ST3GAL6: variants seen among roughly 807,000 people sequenced by gnomAD.
The protein encoded by ST3GAL6 is ST3 beta-galactoside alpha-2,3-sialyltransferase 6.
Under a neutral mutation model 40.5 loss-of-function variants are expected in ST3GAL6, and 31 were observed. That is an observed-to-expected ratio of 0.77 (90% CI 0.58 to 1.03). The LOEUF (loss-of-function observed/expected upper bound fraction) is 1.03, where lower values mean the gene tolerates loss of function less well. ST3GAL6 is among the 50% of genes least tolerant of loss of function. The probability of loss-of-function intolerance (pLI) is 0.00; values close to 1 mark genes in which losing one functional copy is unlikely to be tolerated. For synonymous variants in ST3GAL6, 129 were observed against 136.9 expected (o/e 0.94, Z 0.40); for missense variants, 357 against 393.2 (o/e 0.91, Z 0.78).
rs371716187 is a variant in ST3GAL6, at chr3:98,781,005, A to G, written c.336-3940A>G. Reference sequence around the variant, plus strand: ...TTATACTATATAGACATTATACTATATAGACTTTATACTACATGCACATGT... The same window carrying G: ...TTATACTATATAGACATTATACTATGTAGACTTTATACTACATGCACATGT... On this transcript the variant is annotated intron_variant, in intron 5 of 9. Transcript: ENST00000483910. Among the ~76,000 whole-genome samples, 68 of 152,350 alleles carry G rather than the reference A, an allele frequency of 4.5e-4. 2 individuals are homozygous for G. The South Asian group carries it at 0.013, about 30-fold the overall frequency.
At chr3:98,788,015 T>G (rs1255437968) in intron 6 of ST3GAL6, 21 bp from the exon 7 acceptor site, 4 of 1,603,252 alleles carry the variant, frequency 2.5e-6, no homozygotes, top group Non-Finnish European at 3.4e-6. Flanking sequence ...CTACATATCT[T>G]GTATGTTTTA....
In ST3GAL6 at chr3:98,785,866, T is replaced by C. The variant is rs143211505; in HGVS notation, c.431+826T>C. 1.5e-4 allele frequency among the ~76,000 whole-genome samples: 23 copies of C among 152,246 alleles called. No homozygotes were observed. In the East Asian group the frequency reaches 4.5e-3, roughly 29 times the overall value. Reference sequence around the variant, plus strand: ...ATGGTGGCTTGGGACAGGATTGTTGTAGGAGAGGAAGAGATATGTGGACTG... The same window carrying C: ...ATGGTGGCTTGGGACAGGATTGTTGCAGGAGAGGAAGAGATATGTGGACTG... On this transcript the variant is annotated intron_variant, in intron 6 of 9. Transcript: ENST00000483910.
At chr3:98,784,284 T>G (rs1940470749) in intron 5 of ST3GAL6, 1 of 152,230 alleles carries the variant, frequency 6.6e-6, no homozygotes, top group South Asian at 2.1e-4. Flanking sequence ...CCCCTTTGTG[T>G]TCTACTTTAA....
intron 1 of ST3GAL6, among the ~76,000 whole-genome samples, chr3:98,742,947 G>A (rs1003659584): frequency 2.0e-5 from 3 of 148,934 alleles, no homozygotes; most frequent in East Asian, 3.9e-4. Flanking sequence ...TGATCTGCCC[G>A]ACTCAGCCTC....
At chr3:98,739,133 C>T (rs561944870) in intron 1 of ST3GAL6, among the ~76,000 whole-genome samples, 55 of 152,244 alleles carry the variant, frequency 3.6e-4, no homozygotes, top group African/African-American at 1.3e-3. Context: ...AGGCAGAAAT[C>T]AGTTCTCTGA....
chr3:98,784,193 C>T (rs1022333902), intron 5 of ST3GAL6, among the ~76,000 whole-genome samples: 2 of 152,222 alleles, frequency 1.3e-5, no homozygotes, highest in Admixed American at 6.5e-5. Flanking sequence ...CGGGCAAGGA[C>T]ACAGTCTATT....
intron 1 of ST3GAL6, among the ~76,000 whole-genome samples, chr3:98,764,609 G>T (rs1056114260): frequency 6.6e-6 from 1 of 152,184 alleles, no homozygotes; most frequent in African/African-American, 2.4e-5. Context: ...CATCTAGGGG[G>T]AGGTAGTATA....
At chr3:98,767,531 C>T (rs1167775214) in intron 1 of ST3GAL6, among the ~76,000 whole-genome samples, 1 of 152,130 alleles carries the variant, frequency 6.6e-6, no homozygotes, top group Non-Finnish European at 1.5e-5. Flanking sequence ...GAACTAGAAA[C>T]TTGATAAGGG....
At chr3:98,776,698 C>T (rs1041047636) in intron 5 of ST3GAL6, among the ~76,000 whole-genome samples, 3 of 152,218 alleles carry the variant, frequency 2.0e-5, no homozygotes, top group Admixed American at 6.5e-5. Flanking sequence ...AGGTGCTCGA[C>T]GTAGTTTGAG....
In ST3GAL6 at chr3:98,770,549, G is replaced by A. The variant is rs148622573; in HGVS notation, c.90-330G>A. ...GAGTTTCGGTTTCTCCAGCTTTCAG[G>A]GACTTCTAAAAAGTGAGCCTGGTTG... is the stretch of plus-strand genomic sequence containing the variant. On this transcript the variant is annotated intron_variant, in intron 2 of 9. Transcript: ENST00000483910. 1.5e-5 allele frequency: 3 copies of A among 206,752 alleles called. No individual in the cohort carries two copies. The East Asian group carries it at 3.9e-4, about 27-fold the overall frequency. 12.8% of individuals were successfully genotyped at this position (206,752 alleles called of 1,614,324 possible).
intron 2 of ST3GAL6, 111 bp from the exon 3 acceptor site, chr3:98,770,768 G>GCTGC: frequency 2.3e-6 from 2 of 872,816 alleles, no homozygotes; most frequent in South Asian, 2.9e-5. Context: ...ATTTTTGTTT[G>GCTGC]CTGCCACAGA....
chr3:98,786,992 T>G (rs1576127760), intron 6 of ST3GAL6, among the ~76,000 whole-genome samples: 1 of 107,290 alleles, frequency 9.3e-6, no homozygotes, highest in Admixed American at 8.5e-5. Flanking sequence ...GTGTTAGGAG[T>G]AGCTATGAAT....
chr3:98,782,665 T>A, intron 5 of ST3GAL6: 1 of 447,250 alleles, frequency 2.2e-6, no homozygotes, highest in Non-Finnish European at 4.3e-6. Context: ...TCAACAATAC[T>A]TTGAGATACC....
chr3:98,782,157 A>G (rs2107288786), intron 5 of ST3GAL6: 1 of 680,328 alleles, frequency 1.5e-6, no homozygotes, highest in Non-Finnish European at 2.7e-6. Context: ...AGGGATTGAA[A>G]TCAAACTTGC....
Position 98,770,969 on chromosome 3 carries a change from C to T in ST3GAL6, c.167+13C>T, listed in dbSNP as rs1938921057. On this transcript the variant is annotated intron_variant, in intron 3 of 9. Coordinates refer to ENST00000483910, the MANE Select transcript of ST3GAL6 (RefSeq NM_001323368.2). ...CCTCTCTGCTGAGGTAAAAATATAC[C>T]AGAAAAACCTGTGGCATACAAAATA... The T allele has an allele frequency of 6.2e-7, 1 of 1,611,900 alleles. No individual in the cohort carries two copies. The highest frequency in any genetic ancestry group is 8.5e-7 in the Non-Finnish European group (1 of 1,178,444).
rs771358614 is a variant in ST3GAL6 at position 98,794,641 on chromosome 3, TAACA to T, written c.*885_*888del. On this transcript the variant is annotated 3_prime_UTR_variant, in exon 10 of 10. Transcript: ENST00000483910. ...GCAGGGTGGCTCACACCTGTAATCC[TAACA>T]AACACTTTGGGAGGCCGAGGGAGGC... 2.6e-5 allele frequency: 4 copies of T among 152,166 alleles called. No homozygotes were observed. The highest frequency in any genetic ancestry group is 1.3e-4 in the Admixed American group (2 of 15,274). The allele number at this position is 152,166 out of a possible 1,614,324, so 9.4% of individuals were successfully genotyped here.
intron 5 of ST3GAL6, chr3:98,782,499 T>C: frequency 1.7e-6 from 1 of 605,448 alleles, no homozygotes. Context: ...CAAGATGAAT[T>C]TACACTCTGA....
intron 1 of ST3GAL6, among the ~76,000 whole-genome samples, chr3:98,764,415 G>A (rs56802156): frequency 0.038 from 5,746 of 152,204 alleles, 130 homozygotes; most frequent in African/African-American, 0.063. Context: ...ACAGGGTTGG[G>A]AGTAACAGGC....
At chr3:98,750,128 A>G (rs751766052) in intron 1 of ST3GAL6, among the ~76,000 whole-genome samples, 51 of 152,220 alleles carry the variant, frequency 3.4e-4, no homozygotes, top group Non-Finnish European at 5.9e-4. Context: ...TGCATTCTGC[A>G]TTTTCATTAA....
Sources: gnomAD v4.1 joint callset for allele counts (sites outside exome capture counted in the v4.1 genomes callset) on GRCh38, gnomAD v4.1.1 for gene constraint, MANE v1.5 for transcripts, NCBI Gene and HGNC (gene_info 2026-07-23, HGNC 2026-07-21) for gene names.